GPI: variants seen among roughly 807,000 people sequenced by gnomAD.
GPI encodes glucose-6-phosphate isomerase, also known as D-hexose-6-phosphate anomerase.
GPI carries 56 observed loss-of-function variants against 75.8 expected under a neutral mutation model. That is an observed-to-expected ratio of 0.74 (90% confidence interval 0.60 to 0.92). The LOEUF (loss-of-function observed/expected upper bound fraction) is 0.92. Among genes scored for constraint, GPI ranks in the 40% least tolerant of loss-of-function variants. The pLI, the probability that GPI is intolerant of heterozygous loss-of-function variation, is 0.00. For synonymous variants in GPI, 288 were observed against 285.4 expected, an observed-to-expected ratio of 1.01 and a Z score of -0.09; for missense variants, 638 against 741.0, an observed-to-expected ratio of 0.86 and a Z score of 1.61.
chr19:34,376,775 C>T (rs1188684638), intron 4 of GPI, among the ~76,000 whole-genome samples: 1 of 151,006 alleles, frequency 6.6e-6, no homozygotes, highest in East Asian at 2.0e-4. Context: ...TAGCGAGGCG[C>T]GGTGGCTCAC....
rs564375421 is a variant in GPI, at chr19:34,395,253, G to A, written c.1063-1048G>A. On this transcript the variant is annotated intron_variant, in intron 12 of 17. Coordinates refer to ENST00000356487, the MANE Select transcript of GPI (RefSeq NM_000175.5). Reference sequence around the variant, plus strand: ...CCTCAAAGGCTGTACTCTTAGCCAGGCATGGTGGCTGATGCCTGCAATCCC... The same window carrying A: ...CCTCAAAGGCTGTACTCTTAGCCAGACATGGTGGCTGATGCCTGCAATCCC... Among the ~76,000 whole-genome samples, 38 of 152,172 alleles carry A rather than the reference G, an allele frequency of 2.5e-4. No homozygotes were observed. The South Asian group carries it at 7.5e-3, about 30-fold the overall frequency.
chr19:34,361,133 C>T (rs1218732549), upstream of GPI, among the ~76,000 whole-genome samples: 2 of 151,946 alleles, frequency 1.3e-5, no homozygotes, highest in Non-Finnish European at 2.9e-5. Flanking sequence ...GCTCTGTCGC[C>T]CAGGCTGGAG....
At chr19:34,378,464 C>T (rs374211703) in intron 6 of GPI, among the ~76,000 whole-genome samples, 1 of 152,144 alleles carries the variant, frequency 6.6e-6, no homozygotes, top group Non-Finnish European at 1.5e-5. Flanking sequence ...ATGCACCCCC[C>T]CTTGGCCTCC....
At chr19:34,362,547 G>C (rs1599794282), upstream of GPI, among the ~76,000 whole-genome samples, 1 of 152,178 alleles carries the variant, frequency 6.6e-6, no homozygotes, top group South Asian at 2.1e-4. Context: ...CACTGGACAA[G>C]ACTGTGGCAG....
Position 34,381,450 on chromosome 19 carries a change from G to GTTT in GPI, c.751-7_751-5dup, listed in dbSNP as rs375313737. 52 of 1,328,064 alleles carry GTTT rather than the reference G, an allele frequency of 3.9e-5. No individual in the cohort carries two copies. The highest frequency in any genetic ancestry group is 5.1e-5 in the Non-Finnish European group (48 of 946,864). The allele number at this position is 1,328,064 out of a possible 1,614,324, so 82.3% of individuals were successfully genotyped here. On this transcript the variant is annotated splice_polypyrimidine_tract_variant and intron_variant, in intron 8 of 17. Coordinates refer to ENST00000356487, the MANE Select transcript of GPI (RefSeq NM_000175.5). ...TGCTTCTTTGCATTTCTCTCCCTTTGTTTTTTTTTTTGTAGACCAAAGTGA... is the reference window on the plus strand; with the variant it reads ...TGCTTCTTTGCATTTCTCTCCCTTTGTTTTTTTTTTTTTTGTAGACCAAAGTGA...
At chr19:34,363,230 T>G (rs1398739522), upstream of GPI, 1 of 151,784 alleles carries the variant, frequency 6.6e-6, no homozygotes, top group East Asian at 1.9e-4. Flanking sequence ...CGCTTGAGCC[T>G]GGGAGGCAGA....
chr19:34,365,227 C>G lies in GPI; in HGVS notation c.-40C>G, dbSNP rs766677031. The G allele has an allele frequency of 1.4e-6, 2 of 1,447,980 alleles. No homozygotes were observed. Among genetic ancestry groups the G allele is most frequent in the Admixed American group, 2.2e-5 (1 of 46,058 alleles). The allele number at this position is 1,447,980 out of a possible 1,614,324, so 89.7% of individuals were successfully genotyped here. ...TGCGCGCTGCCGGCGCTCCTTCCTC[C>G]TCGGCTCGCGTCTCACTCAGTGTAC... On this transcript the variant is annotated 5_prime_UTR_variant, in exon 1 of 18. Coordinates refer to ENST00000356487, the MANE Select transcript of GPI (RefSeq NM_000175.5).
intron 3 of GPI, 36 bp from the exon 4 acceptor site, chr19:34,368,547 G>A (rs201969486): frequency 1.4e-5 from 22 of 1,613,182 alleles, no homozygotes; most frequent in East Asian, 2.2e-5. Context: ...CTGGGGTTGG[G>A]GGGGGCAGTC....
intron 5 of GPI, 40 bp downstream of exon 5, chr19:34,377,626 G>A (rs768499358): frequency 2.5e-6 from 4 of 1,586,462 alleles, no homozygotes; most frequent in Non-Finnish European, 3.5e-6. Context: ...GGGAGTCTGG[G>A]CACTGTTGGT....
intron 4 of GPI, among the ~76,000 whole-genome samples, chr19:34,374,813 T>C (rs2145349171): frequency 6.6e-6 from 1 of 151,086 alleles, no homozygotes; most frequent in African/African-American, 2.4e-5. Context: ...CACTGCAGCC[T>C]CGAACTCCTG....
rs2074942363 is a variant in GPI, at chr19:34,396,244, T to A, written c.1063-57T>A. On this transcript the variant is annotated intron_variant, in intron 12 of 17. Transcript: ENST00000356487. ...TGAGCCACTGCGCTCAGCCTCTTTCTTTCTTTTTAAATGTTCTTTCATTTT... is the reference window on the plus strand; with the variant it reads ...TGAGCCACTGCGCTCAGCCTCTTTCATTCTTTTTAAATGTTCTTTCATTTT... The A allele has an allele frequency of 8.1e-6, 13 of 1,607,106 alleles. No homozygotes were observed. In the South Asian group the frequency reaches 1.2e-4, roughly 15 times the overall value.
Position 34,375,054 on chromosome 19 carries a change from C to T in GPI, c.403-2449C>T, listed in dbSNP as rs79541600. Among the ~76,000 whole-genome samples the T allele has an allele frequency of 7.2e-5, 11 of 152,072 alleles. No homozygotes were observed. In the East Asian group the frequency reaches 1.4e-3, roughly 19 times the overall value. On this transcript the variant is annotated intron_variant, in intron 4 of 17. Coordinates refer to ENST00000356487, the MANE Select transcript of GPI (RefSeq NM_000175.5). ...CTGCATATTTAGGTTTTTATTATGA[C>T]CACACTGTACTTCTGATACCAAAAT...
intron 9 of GPI, among the ~76,000 whole-genome samples, chr19:34,385,273 C>T (rs1001560907): frequency 4.0e-5 from 6 of 150,724 alleles, no homozygotes; most frequent in Admixed American, 1.3e-4. Flanking sequence ...TGCTTGAACC[C>T]GGGAGGTGGG....
intron 8 of GPI, chr19:34,380,004 T>G (rs920829477): frequency 5.7e-5 from 12 of 211,448 alleles, no homozygotes; most frequent in Admixed American, 1.1e-4. Context: ...TTTTTTTTTT[T>G]TTTTTTTTTT....
intron 12 of GPI, 87 bp from the exon 13 acceptor site, chr19:34,396,214 A>C: frequency 6.7e-7 from 1 of 1,492,628 alleles, no homozygotes; most frequent in South Asian, 1.1e-5. Flanking sequence ...CTGGAATTAC[A>C]GGCTTGAGCC....
chr19:34,378,991 C>T lies in GPI; in HGVS notation c.691C>T (p.Gln231Ter). ...AGAGACGGCGAAGGAGTGGTTTCTC[C>T]AGGCGGCCAAGGATGTGAGTGGGCT... ...NAETAKEWFL[Q>*]AAKDPSAVAK... Residue 231 changes from glutamine to a stop codon, truncating the protein, a stop_gained, in exon 7 of 18, where the codon CAG (glutamine) becomes TAG (stop). Coordinates refer to ENST00000356487, the MANE Select transcript of GPI (RefSeq NM_000175.5). LOFTEE classifies it high-confidence loss of function. The T allele has an allele frequency of 1.2e-6, 2 of 1,614,144 alleles. No individual in the cohort carries two copies. Among genetic ancestry groups the T allele is most frequent in the Non-Finnish European group, 1.7e-6 (2 of 1,179,956 alleles).
Position 34,399,956 on chromosome 19 carries a change from G to A in GPI, c.1597G>A (p.Ala533Thr). ...AATAGAGCCTGAGCTTGATGGCAGT[G>A]CTCAAGTGACCTCTCACGACGCTTC... ...KKIEPELDGS[A>T]QVTSHDASTN... Residue 533 changes from alanine (A) to threonine (T), a missense_variant, in exon 18 of 18, where the codon GCT (alanine) becomes ACT (threonine). Coordinates refer to ENST00000356487, the MANE Select transcript of GPI (RefSeq NM_000175.5). The A allele has an allele frequency of 6.2e-7, 1 of 1,613,814 alleles. No individual in the cohort carries two copies. The highest frequency in any genetic ancestry group is 8.5e-7 in the Non-Finnish European group (1 of 1,179,882).
Position 34,400,909 on chromosome 19 carries a change from A to AGT in GPI, c.*875_*876dup. 3.5e-6 allele frequency: 1 copy of AGT among 282,380 alleles called. No individual in the cohort carries two copies. The highest frequency in any genetic ancestry group is 6.5e-6 in the Non-Finnish European group (1 of 152,908). The allele number at this position is 282,380 out of a possible 1,614,324, so 17.5% of individuals were successfully genotyped here. Reference sequence around the variant, plus strand: ...CCCAGCTAATTTTTGTATTTTTAGTAGTGAAGGGGTTTTACCATGTTGGGC... The same window carrying AGT: ...CCCAGCTAATTTTTGTATTTTTAGTAGTGTGAAGGGGTTTTACCATGTTGGGC... On this transcript the variant is annotated 3_prime_UTR_variant, in exon 18 of 18. Transcript: ENST00000356487.
chr19:34,390,930 C>T (rs979668020), intron 9 of GPI, among the ~76,000 whole-genome samples: 10 of 146,658 alleles, frequency 6.8e-5, no homozygotes, highest in Middle Eastern at 3.6e-3. Flanking sequence ...CTGGGTCTTC[C>T]TGTGTCTGAG....
Sources: gnomAD v4.1 joint callset for allele counts (sites outside exome capture counted in the v4.1 genomes callset) on GRCh38, gnomAD v4.1.1 for gene constraint, MANE v1.5 for transcripts, NCBI Gene and HGNC (gene_info 2026-07-23, HGNC 2026-07-21) for gene names.